AP5M1: variants seen among roughly 807,000 people sequenced by gnomAD.
The protein encoded by AP5M1 is adaptor related protein complex 5 subunit mu 1, also known as AP-5 complex subunit mu-1.
In AP5M1, 44 loss-of-function variants were observed where a neutral mutation model predicts 52.3. That is an observed-to-expected ratio of 0.84 (90% CI 0.66 to 1.08). AP5M1 has a LOEUF of 1.08. Among genes scored for constraint, AP5M1 ranks in the 50% least tolerant of loss-of-function variants. The pLI, the probability that AP5M1 is intolerant of heterozygous loss-of-function variation, is 0.00. For missense variants in AP5M1, 526 were observed against 568.4 expected (o/e 0.93, Z 0.76); for synonymous variants, 213 against 199.0 (o/e 1.07, Z -0.59).
At position 57,269,012 on chromosome 14, in the gene AP5M1, G is replaced by A. The variant is rs1166272756; in HGVS notation, c.-303G>A. 2 of 553,908 alleles carry A rather than the reference G, an allele frequency of 3.6e-6. No individual in the cohort carries two copies. Among genetic ancestry groups the A allele is most frequent in the Non-Finnish European group, 3.1e-6 (1 of 317,920 alleles). 34.3% of individuals were successfully genotyped at this position (553,908 alleles called of 1,614,324 possible). A position where few individuals can be genotyped will look rare whatever the true frequency, so the allele number is the denominator to read the frequency against. On this transcript the variant is annotated 5_prime_UTR_variant, in exon 1 of 8. Transcript: ENST00000261558. ...TGTATGAGGAACTTTGATCCTTGCG[G>A]GCCACCATTCCGGAAGTAGAATTTA...
rs753546606 is a variant in AP5M1 at position 57,269,324 on chromosome 14, C to T, written c.10C>T (p.Arg4Trp). 1.9e-6 allele frequency: 3 copies of T among 1,613,946 alleles called. No homozygotes were observed. The highest frequency in any genetic ancestry group is 1.7e-6 in the Non-Finnish European group (2 of 1,180,002). ...CTTTACTGACTTAACCATGGCGCAG[C>T]GGGCAGTGTGGCTCATAAGCCACGA... MAQRAVWLISHEPG... is the reference protein window; with the variant it reads MAQWAVWLISHEPG... The change falls in exon 1 of 8, where the codon CGG (arginine) becomes TGG (tryptophan). Residue 4 changes from arginine (R) to tryptophan (W), a missense_variant. Transcript: ENST00000261558.
intron 1 of AP5M1, among the ~76,000 whole-genome samples, chr14:57,273,272 T>A (rs1338036567): frequency 1.3e-5 from 2 of 152,248 alleles, no homozygotes; most frequent in East Asian, 1.9e-4. Flanking sequence ...TATATTTTTT[T>A]AAAATATTAG....
rs1885425070 is a variant in AP5M1 at position 57,291,094 on chromosome 14, C to T, written c.*2210C>T. On this transcript the variant is annotated 3_prime_UTR_variant, in exon 8 of 8. Coordinates refer to ENST00000261558, the MANE Select transcript of AP5M1 (RefSeq NM_018229.4). ...TGTTCTTATTCTAAGCTATAAGACACTCTAAGAGTCCTTTCTTGGGTTAAA... is the reference window on the plus strand; with the variant it reads ...TGTTCTTATTCTAAGCTATAAGACATTCTAAGAGTCCTTTCTTGGGTTAAA... 1 of 151,936 alleles carries T rather than the reference C, an allele frequency of 6.6e-6. No homozygotes were observed. The highest frequency in any genetic ancestry group is 2.4e-5 in the African/African-American group (1 of 41,424). The allele number at this position is 151,936 out of a possible 1,614,324, so 9.4% of individuals were successfully genotyped here. A position where few individuals can be genotyped will look rare whatever the true frequency, so the allele number is the denominator to read the frequency against.
Position 57,289,160 on chromosome 14 carries a change from G to T in AP5M1, c.*276G>T, listed in dbSNP as rs1885380472. 4.7e-6 allele frequency: 1 copy of T among 213,928 alleles called. No individual in the cohort carries two copies. The highest frequency in any genetic ancestry group is 6.1e-5 in the Admixed American group (1 of 16,470). The allele number at this position is 213,928 out of a possible 1,614,324, so 13.3% of individuals were successfully genotyped here. On this transcript the variant is annotated 3_prime_UTR_variant, in exon 8 of 8. Transcript: ENST00000261558. ...TTGGGCTCATTTTAGACTGGTCCTG[G>T]GTCACCCTGCCACACTTGTTTCCTA... is the stretch of plus-strand genomic sequence containing the variant.
intron 6 of AP5M1, among the ~76,000 whole-genome samples, chr14:57,285,353 C>T (rs574349297): frequency 1.6e-4 from 25 of 152,284 alleles, no homozygotes; most frequent in South Asian, 8.3e-4. Context: ...TCATTCCCAT[C>T]ACCAACCAGT....
chr14:57,293,437 C>G lies in AP5M1; in HGVS notation c.*4553C>G, dbSNP rs965751180. On this transcript the variant is annotated 3_prime_UTR_variant, in exon 8 of 8. Transcript: ENST00000261558. ...TCTAATTTATAAATTGAAACAATGA[C>G]TCAAAGAAGTGCATACCTAACTTAC... The G allele has an allele frequency of 2.6e-5, 4 of 151,650 alleles. No individual in the cohort carries two copies. The highest frequency in any genetic ancestry group is 9.7e-5 in the African/African-American group (4 of 41,348). 9.4% of individuals were successfully genotyped at this position (151,650 alleles called of 1,614,324 possible).
chr14:57,288,738 A>T, intron 7 of AP5M1, 64 bp from the exon 8 acceptor site: 1 of 968,150 alleles, frequency 1.0e-6, no homozygotes, highest in East Asian at 2.4e-5. Context: ...AAAAATCATG[A>T]CTTTGCTCTC....
Position 57,282,170 on chromosome 14 carries a change from C to G in AP5M1, c.1030C>G (p.His344Asp). The change falls in exon 4 of 8, where the codon CAT (histidine) becomes GAT (aspartate). Residue 344 changes from histidine (H) to aspartate (D), a missense_variant. Coordinates refer to ENST00000261558, the MANE Select transcript of AP5M1 (RefSeq NM_018229.4). ...AAGAATAACCATTAATTTAAAACTT[C>G]ATGAAAGTGTGAAAAATAATTTTGA... ...QLRITINLKL[H>D]ESVKNNFEFC... 6.3e-7 allele frequency: 1 copy of G among 1,577,864 alleles called. No homozygotes were observed. The highest frequency in any genetic ancestry group is 8.6e-7 in the Non-Finnish European group (1 of 1,166,676).
chr14:57,280,403 T>TA lies in AP5M1; in HGVS notation c.930dup (p.Cys311MetfsTer30), dbSNP rs1451352623. On this transcript the variant is annotated frameshift_variant, in exon 3 of 8. Transcript: ENST00000261558. LOFTEE classifies it high-confidence loss of function. ...ACTCCACCTTTAGAGTCATTCAACT[T>TA]ATGCTTCTACACTTCCCAGGTAACA... The TA allele has an allele frequency of 1.2e-6, 2 of 1,611,714 alleles. No individual in the cohort carries two copies. Among genetic ancestry groups the TA allele is most frequent in the African/African-American group, 2.7e-5 (2 of 74,878 alleles).
rs1000928666 is a variant in AP5M1 at position 57,293,471 on chromosome 14, C to T, written c.*4587C>T. The stretch of plus-strand genomic sequence containing the variant: ...GTGCATACCTAACTTACGTTTGTGC[C>T]AAGCCAGCCTCCTCTAGTTTCAATT... On this transcript the variant is annotated 3_prime_UTR_variant, in exon 8 of 8. Transcript: ENST00000261558. 2 of 151,576 alleles carry T rather than the reference C, an allele frequency of 1.3e-5. No homozygotes were observed. Among genetic ancestry groups the T allele is most frequent in the African/African-American group, 4.8e-5 (2 of 41,308 alleles). The allele number at this position is 151,576 out of a possible 1,614,324, so 9.4% of individuals were successfully genotyped here.
At chr14:57,282,278 T>G in intron 4 of AP5M1, 50 bp downstream of exon 4, 1 of 1,360,554 alleles carries the variant, frequency 7.3e-7, no homozygotes, top group Non-Finnish European at 9.8e-7. Context: ...TTAATACATT[T>G]CCACTGTCCC....
At chr14:57,282,009 A>G (rs888030325) in intron 3 of AP5M1, 80 bp from the exon 4 acceptor site, 49 of 1,247,422 alleles carry the variant, frequency 3.9e-5, no homozygotes, top group Non-Finnish European at 4.2e-5. Flanking sequence ...AGTCATTAAA[A>G]GTAACTCTTT....
intron 6 of AP5M1, among the ~76,000 whole-genome samples, chr14:57,283,607 TG>T (rs1194487662): frequency 3.3e-5 from 5 of 151,996 alleles, no homozygotes. Flanking sequence ...AGGGTTTTTT[TG>T]TTTGTTTGTT....
rs1885563392 is a variant in AP5M1 at position 57,296,850 on chromosome 14, A to C, written c.*7966A>C. 6.6e-6 allele frequency: 1 copy of C among 152,054 alleles called. No individual in the cohort carries two copies. Among genetic ancestry groups the C allele is most frequent in the Non-Finnish European group, 1.5e-5 (1 of 67,994 alleles). 9.4% of individuals were successfully genotyped at this position (152,054 alleles called of 1,614,324 possible). A position where few individuals can be genotyped will look rare whatever the true frequency, so the allele number is the denominator to read the frequency against. ...TTATATGCCACTCTGGGATTAGACAAAAGACAAAAAACAGTTCCATATTTT... is the reference window on the plus strand; with the variant it reads ...TTATATGCCACTCTGGGATTAGACACAAGACAAAAAACAGTTCCATATTTT... On this transcript the variant is annotated 3_prime_UTR_variant, in exon 8 of 8. Transcript: ENST00000261558.
At chr14:57,275,022 T>G (rs1884990775) in intron 2 of AP5M1, 133 bp downstream of exon 2, 2 of 941,950 alleles carry the variant, frequency 2.1e-6, no homozygotes, top group African/African-American at 3.4e-5. Flanking sequence ...GAGAGTCATG[T>G]AAAATTTTAT....
rs1255991007 is a variant in AP5M1, at chr14:57,296,309, C to T, written c.*7425C>T. ...ACAGGACAAGTTGTCGGCCTTTTCCCACATTTCAACCTAAAAATGGTATCT... is the reference window on the plus strand; with the variant it reads ...ACAGGACAAGTTGTCGGCCTTTTCCTACATTTCAACCTAAAAATGGTATCT... On this transcript the variant is annotated 3_prime_UTR_variant, in exon 8 of 8. Coordinates refer to ENST00000261558, the MANE Select transcript of AP5M1 (RefSeq NM_018229.4). 1 of 151,964 alleles carries T rather than the reference C, an allele frequency of 6.6e-6. No homozygotes were observed. Among genetic ancestry groups the T allele is most frequent in the Non-Finnish European group, 1.5e-5 (1 of 67,946 alleles). The allele number at this position is 151,964 out of a possible 1,614,324, so 9.4% of individuals were successfully genotyped here.
chr14:57,280,546 G>C, intron 3 of AP5M1, 124 bp downstream of exon 3: 2 of 703,996 alleles, frequency 2.8e-6, no homozygotes, highest in Non-Finnish European at 2.4e-6. Context: ...GACAATAATT[G>C]ATGATTGAAG....
intron 1 of AP5M1, chr14:57,270,986 A>G (rs1594695768): frequency 6.6e-6 from 1 of 152,362 alleles, no homozygotes; most frequent in East Asian, 1.9e-4. Flanking sequence ...TACTGTAGCC[A>G]CTAGCCACAA....
In AP5M1 at chr14:57,294,809, G is replaced by A. The variant is rs1320463049; in HGVS notation, c.*5925G>A. 1 of 151,862 alleles carries A rather than the reference G, an allele frequency of 6.6e-6. No individual in the cohort carries two copies. The highest frequency in any genetic ancestry group is 1.5e-5 in the Non-Finnish European group (1 of 67,848). 9.4% of individuals were successfully genotyped at this position (151,862 alleles called of 1,614,324 possible). A position where few individuals can be genotyped will look rare whatever the true frequency, so the allele number is the denominator to read the frequency against. On this transcript the variant is annotated 3_prime_UTR_variant, in exon 8 of 8. Transcript: ENST00000261558. ...GTTTCTAGAATATTACACATTTGGA[G>A]TAAGCCTTGCTTTTTCAACATGCAT...
Sources: gnomAD v4.1 joint callset for allele counts (sites outside exome capture counted in the v4.1 genomes callset) on GRCh38, gnomAD v4.1.1 for gene constraint, MANE v1.5 for transcripts, NCBI Gene and HGNC (gene_info 2026-07-23, HGNC 2026-07-21) for gene names.